TMTC2: variants seen among roughly 807,000 people sequenced by gnomAD.
TMTC2 encodes transmembrane O-mannosyltransferase targeting cadherins 2, also known as protein O-mannosyl-transferase TMTC2.
In TMTC2, 43 loss-of-function variants were observed where a neutral mutation model predicts 82.4. That is an observed-to-expected ratio of 0.52 (90% CI 0.41 to 0.67). The LOEUF is 0.67. Among genes scored for constraint, TMTC2 ranks in the 30% least tolerant of loss-of-function variants. The pLI, the probability that TMTC2 is intolerant of heterozygous loss-of-function variation, is 0.00. For synonymous variants in TMTC2, 408 were observed against 381.9 expected, an observed-to-expected ratio of 1.07 and a Z score of -0.80; for missense variants, 919 against 1,012.4, an observed-to-expected ratio of 0.91 and a Z score of 1.25.
chr12:82,990,539 A>G (rs759131173), intron 8 of TMTC2, among the ~76,000 whole-genome samples: 1 of 151,980 alleles, frequency 6.6e-6, no homozygotes, highest in Non-Finnish European at 1.5e-5. Flanking sequence ...GTCTTGCCTG[A>G]CTTTCTTAAG....
At chr12:82,922,024 T>C (rs925181110) in intron 3 of TMTC2, among the ~76,000 whole-genome samples, 2 of 151,724 alleles carry the variant, frequency 1.3e-5, no homozygotes, top group African/African-American at 4.8e-5. Context: ...GGAGGATTGC[T>C]TAAGCCCAAG....
chr12:82,944,929 A>G (rs1876918675), intron 4 of TMTC2, among the ~76,000 whole-genome samples: 1 of 152,208 alleles, frequency 6.6e-6, no homozygotes. Context: ...AAGAACTGAG[A>G]TTCACACTAG....
At chr12:82,881,481 G>C (rs1217174450) in intron 2 of TMTC2, among the ~76,000 whole-genome samples, 3 of 152,198 alleles carry the variant, frequency 2.0e-5, no homozygotes, top group Non-Finnish European at 2.9e-5. Flanking sequence ...CATCTATTTA[G>C]ATTGGTCACC....
chr12:83,065,398 G>T (rs921026712), intron 11 of TMTC2, among the ~76,000 whole-genome samples: 2 of 151,756 alleles, frequency 1.3e-5, no homozygotes, highest in South Asian at 4.1e-4. Flanking sequence ...CACAAAATAA[G>T]TTTTATATTC....
intron 8 of TMTC2, among the ~76,000 whole-genome samples, chr12:82,993,713 T>G (rs1212624234): frequency 6.6e-6 from 1 of 152,126 alleles, no homozygotes; most frequent in African/African-American, 2.4e-5. Context: ...AAGGGTCAAT[T>G]GTATATTGCT....
intron 1 of TMTC2, among the ~76,000 whole-genome samples, chr12:82,815,278 T>A (rs981461518): frequency 7.0e-5 from 10 of 143,858 alleles, no homozygotes; most frequent in Admixed American, 2.0e-4. Context: ...GCCATTCTTT[T>A]GCGCATTTAT....
At chr12:83,089,932 TA>T (rs1306151336) in intron 11 of TMTC2, among the ~76,000 whole-genome samples, 1 of 152,212 alleles carries the variant, frequency 6.6e-6, no homozygotes, top group African/African-American at 2.4e-5. Flanking sequence ...ATTCAGTGCA[TA>T]TATCCTATAA....
chr12:83,007,544 C>T (rs114288479), intron 8 of TMTC2, among the ~76,000 whole-genome samples: 57 of 152,216 alleles, frequency 3.7e-4, no homozygotes, highest in Middle Eastern at 3.4e-3. Flanking sequence ...GTACAATTAC[C>T]TTACGGAGTA....
At chr12:82,926,100 C>T (rs1875701782) in intron 3 of TMTC2, among the ~76,000 whole-genome samples, 2 of 151,942 alleles carry the variant, frequency 1.3e-5, no homozygotes, top group South Asian at 4.2e-4. Context: ...CCCTGCCTCG[C>T]CTCCCAAGTA....
At chr12:83,035,695 G>A (rs1214544042) in intron 9 of TMTC2, among the ~76,000 whole-genome samples, 2 of 152,068 alleles carry the variant, frequency 1.3e-5, no homozygotes, top group Non-Finnish European at 2.9e-5. Context: ...GTGAGGATTT[G>A]GTGCCTTGGT....
intron 11 of TMTC2, among the ~76,000 whole-genome samples, chr12:83,120,816 A>G (rs1438791697): frequency 6.6e-6 from 1 of 152,204 alleles, no homozygotes; most frequent in Non-Finnish European, 1.5e-5. Context: ...TGTTTACCAT[A>G]ATCCCAGACT....
chr12:82,848,169 G>A (rs1264547950), intron 1 of TMTC2, among the ~76,000 whole-genome samples: 3 of 152,098 alleles, frequency 2.0e-5, no homozygotes, highest in Non-Finnish European at 4.4e-5. Context: ...ACATGACAGA[G>A]TAATGCCAGT....
chr12:83,122,237 C>G (rs1055564192), intron 11 of TMTC2, among the ~76,000 whole-genome samples: 5 of 151,800 alleles, frequency 3.3e-5, no homozygotes, highest in Non-Finnish European at 7.4e-5. Flanking sequence ...TTACCCCATG[C>G]TACCCACCTC....
chr12:82,956,308 T>C (rs1294461865), intron 4 of TMTC2, among the ~76,000 whole-genome samples: 1 of 152,024 alleles, frequency 6.6e-6, no homozygotes, highest in African/African-American at 2.4e-5. Flanking sequence ...TATATATATA[T>C]ATATGTCTGC....
At chr12:82,695,807 A>G (rs2136890102) in intron 1 of TMTC2, among the ~76,000 whole-genome samples, 1 of 152,328 alleles carries the variant, frequency 6.6e-6, no homozygotes, top group East Asian at 1.9e-4. Flanking sequence ...GACACTTGTC[A>G]TTACAGAACC....
intron 8 of TMTC2, among the ~76,000 whole-genome samples, chr12:83,014,717 G>T (rs961894069): frequency 1.2e-5 from 1 of 80,620 alleles, no homozygotes; most frequent in Non-Finnish European, 2.5e-5. Context: ...AAAAGGTCTA[G>T]TTAAGAAGAG....
At chr12:82,929,371 A>G (rs1875900912) in intron 3 of TMTC2, among the ~76,000 whole-genome samples, 1 of 152,124 alleles carries the variant, frequency 6.6e-6, no homozygotes, top group Non-Finnish European at 1.5e-5. Flanking sequence ...ACACTGTCTT[A>G]AACAGCTTGT....
intron 11 of TMTC2, among the ~76,000 whole-genome samples, chr12:83,084,731 A>AG (rs1883592742): frequency 6.6e-6 from 1 of 152,210 alleles, no homozygotes; most frequent in South Asian, 2.1e-4. Flanking sequence ...ACACCAGTGG[A>AG]GGAGGAAATG....
chr12:82,867,350 CTTT>C (rs926673549), intron 2 of TMTC2, among the ~76,000 whole-genome samples: 1 of 152,098 alleles, frequency 6.6e-6, no homozygotes, highest in Non-Finnish European at 1.5e-5. Context: ...TAGTATTTCT[CTTT>C]GTTGTGATGG....
Sources: allele counts gnomAD v4.1 joint callset (sites outside exome capture counted in the v4.1 genomes callset), GRCh38; gene constraint gnomAD v4.1.1; transcripts MANE v1.5; gene names NCBI Gene and HGNC (gene_info 2026-07-23, HGNC 2026-07-21).